The following CCNH variants were observed in gnomAD, a reference collection of about 807,000 sequenced individuals.
The protein encoded by CCNH is cyclin-H.
Under a neutral mutation model 41.9 loss-of-function variants are expected in CCNH, and 31 were observed. The ratio of observed to expected loss-of-function variants is 0.74; its 90% CI spans 0.56 to 1.00. The LOEUF (loss-of-function observed/expected upper bound fraction) is 1.00. CCNH is among the 50% of genes least tolerant of loss of function. The pLI is 0.00. For missense variants in CCNH, 362 were observed against 388.4 expected (o/e 0.93, Z 0.57); for synonymous variants, 138 against 136.1 (o/e 1.01, Z -0.10).
At chr5:87,325,432 A>T (rs438457) in intron 9 of CCNH, among the ~76,000 whole-genome samples, 1 of 152,266 alleles carries the variant, frequency 6.6e-6, no homozygotes, top group Non-Finnish European at 1.5e-5. Context: ...TAGCAAATGC[A>T]TACCAACTTG....
intron 9 of CCNH, chr5:87,369,923 T>A: frequency 6.5e-7 from 1 of 1,545,844 alleles, no homozygotes; most frequent in Non-Finnish European, 8.9e-7. Flanking sequence ...TTTCTCAAAC[T>A]ACAGTATACT....
At position 87,412,686 on chromosome 5, in the gene CCNH, T is replaced by G; in HGVS notation, c.109A>C (p.Asn37His). 1 of 1,614,082 alleles carries G rather than the reference T, an allele frequency of 6.2e-7. No individual in the cohort carries two copies. The highest frequency in any genetic ancestry group is 8.5e-7 in the Non-Finnish European group (1 of 1,179,952). Residue 37 changes from asparagine to histidine, a missense_variant, in exon 1 of 9, where the codon AAC becomes CAC. By Grantham distance (68) the Asn-to-His change is moderately conservative. Coordinates refer to ENST00000256897, the MANE Select transcript of CCNH (RefSeq NM_001239.4). ...NRKFRCKAVA[N>H]GKVLPNDPVF... The stretch of plus-strand genomic sequence containing the variant: ...CGTTGGGAAAACCTCACCTTCCCGT[T>G]GGCCACGGCTTTGCATCTGAATTTG...
chr5:87,407,058 G>A (rs1317150933), intron 4 of CCNH, among the ~76,000 whole-genome samples: 1 of 152,056 alleles, frequency 6.6e-6, no homozygotes, highest in Non-Finnish European at 1.5e-5. Context: ...TGCATTGCTA[G>A]GCTCTGTTCA....
downstream of CCNH, chr5:87,394,067 C>CATT (rs1762725323): frequency 5.8e-6 from 1 of 171,408 alleles, no homozygotes; most frequent in African/African-American, 2.4e-5. Flanking sequence ...TTCAAAAAGC[C>CATT]ATTTATAAAG....
downstream of CCNH, chr5:87,393,950 A>AATAAT (rs1302712399): frequency 6.6e-6 from 1 of 152,226 alleles, no homozygotes; most frequent in Non-Finnish European, 1.5e-5. Flanking sequence ...ACTAAAGAAA[A>AATAAT]ATAATATTCA....
At chr5:87,370,152 G>A (rs955686209) in intron 9 of CCNH, among the ~76,000 whole-genome samples, 4 of 152,132 alleles carry the variant, frequency 2.6e-5, no homozygotes, top group Non-Finnish European at 5.9e-5. Flanking sequence ...ATGATGTTGA[G>A]GCCAACTGAG....
chr5:87,317,216 TTTTATTACA>T (rs1177283746), downstream of CCNH, among the ~76,000 whole-genome samples: 2 of 152,174 alleles, frequency 1.3e-5, no homozygotes, highest in Non-Finnish European at 2.9e-5. Flanking sequence ...TCATCTGTAC[TTTTATTACA>T]TGGTGCTCTT....
At chr5:87,339,459 A>G (rs139174377) in intron 9 of CCNH, among the ~76,000 whole-genome samples, 6 of 152,304 alleles carry the variant, frequency 3.9e-5, no homozygotes, top group African/African-American at 1.4e-4. Context: ...TTTGTTAGTT[A>G]CAACTTTTAG....
chr5:87,386,840 A>G (rs1762095299), downstream of CCNH: 2 of 1,612,682 alleles, frequency 1.2e-6, no homozygotes, highest in Non-Finnish European at 1.7e-6. Context: ...CCTACATGGA[A>G]GGTGTCAATC....
At chr5:87,412,126 A>G (rs948471933) in intron 1 of CCNH, among the ~76,000 whole-genome samples, 3 of 152,260 alleles carry the variant, frequency 2.0e-5, no homozygotes, top group South Asian at 2.1e-4. Flanking sequence ...TTCCCATTTT[A>G]AATATTTCAA....
downstream of CCNH, among the ~76,000 whole-genome samples, chr5:87,314,360 G>A (rs1015142122): frequency 2.6e-5 from 4 of 152,240 alleles, no homozygotes; most frequent in South Asian, 2.1e-4. Context: ...GGGCATAGTT[G>A]TTTCTGGAGA....
downstream of CCNH, chr5:87,392,465 T>G: frequency 2.4e-6 from 1 of 409,292 alleles, no homozygotes; most frequent in Non-Finnish European, 4.9e-6. Flanking sequence ...CTTGGCTCTT[T>G]TATCAAATTA....
At chr5:87,323,845 C>G (rs1018420020) in intron 9 of CCNH, among the ~76,000 whole-genome samples, 2 of 151,908 alleles carry the variant, frequency 1.3e-5, no homozygotes, top group Non-Finnish European at 2.9e-5. Flanking sequence ...TCAGTTCTTT[C>G]AGGAAATGTA....
At chr5:87,344,925 T>G (rs1411276446) in intron 9 of CCNH, among the ~76,000 whole-genome samples, 1 of 152,104 alleles carries the variant, frequency 6.6e-6, no homozygotes, top group African/African-American at 2.4e-5. Context: ...TATTTTCCTC[T>G]CTACACACTC....
chr5:87,399,230 A>C (rs1412978612), intron 7 of CCNH, among the ~76,000 whole-genome samples, 164 bp downstream of exon 7: 1 of 152,240 alleles, frequency 6.6e-6, no homozygotes, highest in Non-Finnish European at 1.5e-5. Context: ...TGAATGCCGA[A>C]CTATTACCTT....
chr5:87,358,046 A>G (rs572260857), intron 9 of CCNH, among the ~76,000 whole-genome samples: 1 of 152,326 alleles, frequency 6.6e-6, no homozygotes, highest in Non-Finnish European at 1.5e-5. Context: ...GGTTTTAACT[A>G]TTAGTACAAA....
At chr5:87,318,352 G>A (rs1029079866), downstream of CCNH, 2 of 152,092 alleles carry the variant, frequency 1.3e-5, no homozygotes, top group Non-Finnish European at 2.9e-5. Flanking sequence ...AAATGCAGAG[G>A]ATTTTAAAGG....
rs113499653 is a variant in CCNH, at chr5:87,351,112, G to A, written c.*91-32215C>T. On this transcript the variant is annotated intron_variant and NMD_transcript_variant, in intron 9 of 9. Transcript: ENST00000645953. ...TAAACATGAGACCTTGATAAAGAGG[G>A]ATAGTAGTTATGTCTTTCATTTAGA... Among the ~76,000 whole-genome samples the A allele has an allele frequency of 1.4e-3, 215 of 151,442 alleles. 1 individual carries two copies. The highest frequency in any genetic ancestry group is 5.0e-3 in the African/African-American group (205 of 41,406).
intron 8 of CCNH, 54 bp from the exon 9 acceptor site, chr5:87,394,538 T>C (rs1253839155): frequency 6.2e-7 from 1 of 1,605,354 alleles, no homozygotes; most frequent in Non-Finnish European, 8.5e-7. Flanking sequence ...ACCAGTATTG[T>C]TTACCTCTTA....
Sources: allele counts gnomAD v4.1 joint callset (sites outside exome capture counted in the v4.1 genomes callset), GRCh38; gene constraint gnomAD v4.1.1; transcripts MANE v1.5; gene names NCBI Gene and HGNC (gene_info 2026-07-23, HGNC 2026-07-21).